Variants in ENOX1 observed in about 807,000 individuals in gnomAD.
The protein encoded by ENOX1 is ecto-NOX disulfide-thiol exchanger 1.
Under a neutral mutation model 82.5 loss-of-function variants are expected in ENOX1, and 42 were observed. The ratio of observed to expected loss-of-function variants is 0.51; its 90% CI spans 0.40 to 0.66. ENOX1 has a LOEUF of 0.66. Among genes scored for constraint, ENOX1 ranks in the 30% least tolerant of loss-of-function variants. The probability of loss-of-function intolerance (pLI) is 0.00; values close to 1 mark genes in which losing one functional copy is unlikely to be tolerated. For missense variants in ENOX1, 608 were observed against 811.6 expected (o/e 0.75, Z 3.05); for synonymous variants, 271 against 282.2 (o/e 0.96, Z 0.40).
chr13:43,238,108 T>C (rs1222622844), intron 14 of ENOX1, among the ~76,000 whole-genome samples: 5 of 152,178 alleles, frequency 3.3e-5, no homozygotes, highest in African/African-American at 4.8e-5. Flanking sequence ...CTAGAGGGTA[T>C]AACAGGCCTC....
intron 9 of ENOX1, among the ~76,000 whole-genome samples, chr13:43,330,001 C>A (rs577412699): frequency 4.6e-5 from 7 of 152,256 alleles, no homozygotes; most frequent in South Asian, 4.1e-4. Flanking sequence ...TCAAAGACAG[C>A]ATACTTTTAA....
chr13:43,418,938 G>C lies in ENOX1; in HGVS notation c.-74-5950C>G, dbSNP rs571178189. On this transcript the variant is annotated intron_variant, in intron 3 of 16. Transcript: ENST00000690772. ...TTGGCTTAAAAAATGGCACAGGTTT[G>C]GGAGGCTGAGGTGGCAGGATCACAA... is the stretch of plus-strand genomic sequence containing the variant. Among the ~76,000 whole-genome samples, 4 of 152,290 alleles carry C rather than the reference G, an allele frequency of 2.6e-5. No homozygotes were observed. The South Asian group carries it at 8.3e-4, about 32-fold the overall frequency.
At chr13:43,383,732 C>CA (rs2052224410) in intron 5 of ENOX1, among the ~76,000 whole-genome samples, 1 of 152,166 alleles carries the variant, frequency 6.6e-6, no homozygotes, top group South Asian at 2.1e-4. Context: ...GACACCATTA[C>CA]CATCAACAGG....
In ENOX1 at chr13:43,254,472, T is replaced by TA. The variant is rs201226466; in HGVS notation, c.1611+10925dup. ...TACCAAGTAGGGGCTTAGCTTTAAT[T>TA]AAAAAAAAATCAGTGAATCTTCCTC... On this transcript the variant is annotated intron_variant, in intron 14 of 16. Coordinates refer to ENST00000690772, the MANE Select transcript of ENOX1 (RefSeq NM_001347969.2). Among the ~76,000 whole-genome samples the TA allele has an allele frequency of 7.8e-4, 119 of 151,644 alleles. No individual in the cohort carries two copies. In the East Asian group the frequency reaches 7.9e-3, roughly 10 times the overall value.
intron 2 of ENOX1, among the ~76,000 whole-genome samples, chr13:43,665,626 T>C (rs919189993): frequency 2.6e-5 from 4 of 152,022 alleles, no homozygotes; most frequent in Non-Finnish European, 5.9e-5. Context: ...AGAGGCGGCA[T>C]GTAAATTGGC....
At chr13:43,746,266 T>C (rs1455433583) in intron 1 of ENOX1, among the ~76,000 whole-genome samples, 3 of 152,148 alleles carry the variant, frequency 2.0e-5, no homozygotes, top group Non-Finnish European at 4.4e-5. Flanking sequence ...TTTATATTAA[T>C]GTATTTCTGT....
intron 11 of ENOX1, among the ~76,000 whole-genome samples, chr13:43,307,771 T>C (rs1181311864): frequency 5.3e-5 from 8 of 152,354 alleles, no homozygotes; most frequent in Middle Eastern, 6.8e-3. Flanking sequence ...CAAAACACAT[T>C]GTCCTCAACT....
intron 2 of ENOX1, among the ~76,000 whole-genome samples, chr13:43,617,271 G>A (rs2082523255): frequency 6.6e-6 from 1 of 152,162 alleles, no homozygotes; most frequent in Admixed American, 6.5e-5. Context: ...AAGCTGCTAT[G>A]GATATCCTTA....
chr13:43,324,384 C>CA (rs1045515231), intron 10 of ENOX1, among the ~76,000 whole-genome samples: 1 of 152,070 alleles, frequency 6.6e-6, no homozygotes, highest in African/African-American at 2.4e-5. Flanking sequence ...AGGGTGTTTC[C>CA]ACAGGGTGCC....
At chr13:43,447,868 T>G (rs2056744164) in intron 3 of ENOX1, among the ~76,000 whole-genome samples, 1 of 152,222 alleles carries the variant, frequency 6.6e-6, no homozygotes, top group African/African-American at 2.4e-5. Flanking sequence ...TGTGTTCCTT[T>G]CATACAAAAC....
chr13:43,225,215 T>A (rs1308659141), intron 15 of ENOX1, among the ~76,000 whole-genome samples: 1 of 152,130 alleles, frequency 6.6e-6, no homozygotes, highest in Non-Finnish European at 1.5e-5. Flanking sequence ...TAACAGTGGG[T>A]ACTCATGGAC....
chr13:43,376,358 C>A (rs889585024), intron 5 of ENOX1, among the ~76,000 whole-genome samples: 7 of 152,160 alleles, frequency 4.6e-5, no homozygotes, highest in Non-Finnish European at 1.5e-5. Context: ...GGGAACTTAT[C>A]CTGAGACCTC....
intron 2 of ENOX1, among the ~76,000 whole-genome samples, chr13:43,656,329 T>C (rs2084430847): frequency 6.6e-6 from 1 of 152,216 alleles, no homozygotes; most frequent in Non-Finnish European, 1.5e-5. Context: ...AGAATGCCAG[T>C]GTTTTTCAAT....
At chr13:43,394,389 A>G (rs2053001647) in intron 5 of ENOX1, 1 of 152,190 alleles carries the variant, frequency 6.6e-6, no homozygotes, top group Admixed American at 6.5e-5. Flanking sequence ...TGCCTGGAGT[A>G]TTTCTCTCAA....
At chr13:43,709,161 G>A (rs2087519204) in intron 1 of ENOX1, among the ~76,000 whole-genome samples, 1 of 151,968 alleles carries the variant, frequency 6.6e-6, no homozygotes, top group South Asian at 2.1e-4. Context: ...GATGCAAAAG[G>A]CGAATTAGTA....
chr13:43,648,088 T>G (rs2083981878), intron 2 of ENOX1, among the ~76,000 whole-genome samples: 1 of 152,206 alleles, frequency 6.6e-6, no homozygotes, highest in Non-Finnish European at 1.5e-5. Context: ...GCAGAACTGT[T>G]AAGACTATAC....
At chr13:43,217,599 G>C (rs2041555887) in intron 16 of ENOX1, among the ~76,000 whole-genome samples, 1 of 152,120 alleles carries the variant, frequency 6.6e-6, no homozygotes, top group Non-Finnish European at 1.5e-5. Context: ...AAACAAGCAA[G>C]TGCCCCCCTC....
chr13:43,477,282 GAGA>G (rs140852050), intron 3 of ENOX1, among the ~76,000 whole-genome samples: 6,661 of 151,950 alleles, frequency 0.044, 184 homozygotes, highest in Middle Eastern at 0.085. Context: ...TCTGGGAAAG[GAGA>G]AGTAGATATC....
chr13:43,725,764 G>A (rs5019572), intron 1 of ENOX1, among the ~76,000 whole-genome samples: 13,995 of 149,770 alleles, frequency 0.093, 1,058 homozygotes, highest in East Asian at 0.27. Flanking sequence ...TCAGGAGTTC[G>A]AGACCAACCT....
Sources: gnomAD v4.1 joint callset for allele counts (sites outside exome capture counted in the v4.1 genomes callset) on GRCh38, gnomAD v4.1.1 for gene constraint, MANE v1.5 for transcripts, NCBI Gene and HGNC (gene_info 2026-07-23, HGNC 2026-07-21) for gene names.